TENT5D: variants seen among roughly 807,000 people sequenced by gnomAD.
TENT5D encodes terminal nucleotidyltransferase 5D.
For missense variants in TENT5D, 191 were observed against 287.0 expected (o/e 0.67, Z 2.42); for synonymous variants, 103 against 100.6 (o/e 1.02, Z -0.15).
At chrX:80,349,090 A>G (rs757000275) in intron 3 of TENT5D, among the ~76,000 whole-genome samples, 4 of 112,293 alleles carry the variant, frequency 3.6e-5, no homozygotes, top group African/African-American at 1.3e-4. Context: ...TTTCACATCT[A>G]TGTTCATCAA....
intron 3 of TENT5D, among the ~76,000 whole-genome samples, chrX:80,397,676 C>T (rs1159089834): frequency 6.2e-5 from 7 of 112,466 alleles, no homozygotes; most frequent in East Asian, 2.8e-4. Flanking sequence ...TCTGCAATCC[C>T]GGCACCTCGG....
chrX:80,419,708 C>CT (rs1202640065), upstream of TENT5D, among the ~76,000 whole-genome samples: 1 of 111,936 alleles, frequency 8.9e-6, no homozygotes, highest in African/African-American at 3.2e-5. Context: ...AACCATAATA[C>CT]TTTTTTAACT....
chrX:80,374,151 A>G (rs1200013846), intron 3 of TENT5D, among the ~76,000 whole-genome samples: 1 of 111,515 alleles, frequency 9.0e-6, no homozygotes, highest in Admixed American at 9.6e-5. Flanking sequence ...AATTCCAACC[A>G]TGTACCTGCA....
chrX:80,386,249 A>T (rs1931002053), intron 3 of TENT5D, among the ~76,000 whole-genome samples: 1 of 112,253 alleles, frequency 8.9e-6, no homozygotes, highest in African/African-American at 3.2e-5. Context: ...AGCCATAAAA[A>T]AGGATGAGTT....
intron 2 of TENT5D, among the ~76,000 whole-genome samples, chrX:80,340,192 C>T (rs1929932298): frequency 9.1e-6 from 1 of 110,412 alleles, no homozygotes; most frequent in Non-Finnish European, 1.9e-5. Flanking sequence ...TTTTCCTTAT[C>T]TCTATGATTT....
At chrX:80,342,371 T>C (rs898366287) in intron 2 of TENT5D, 1 of 111,714 alleles carries the variant, frequency 9.0e-6, no homozygotes, top group African/African-American at 3.2e-5. Flanking sequence ...AATAAAACAG[T>C]GAGAGTCTAT....
chrX:80,405,850 G>T (rs1300814272), intron 3 of TENT5D, among the ~76,000 whole-genome samples: 2 of 111,926 alleles, frequency 1.8e-5, no homozygotes, highest in Non-Finnish European at 3.8e-5. Flanking sequence ...AAATGTCCCT[G>T]TCTGACAGCT....
At chrX:80,434,207 T>TG in intron 1 of TENT5D, among the ~76,000 whole-genome samples, 1 of 85,045 alleles carries the variant, frequency 1.2e-5, no homozygotes, top group Admixed American at 1.3e-4. Context: ...GATCATAAAG[T>TG]AAAAAAAAAA....
chrX:80,432,864 G>A (rs1272269126), intron 1 of TENT5D, among the ~76,000 whole-genome samples: 2 of 111,018 alleles, frequency 1.8e-5, no homozygotes, highest in African/African-American at 6.6e-5. Flanking sequence ...ACTGGGAAGG[G>A]AAGGACTATG....
chrX:80,424,779 A>AGCCT (rs1352161615), intron 1 of TENT5D, among the ~76,000 whole-genome samples: 61 of 112,816 alleles, frequency 5.4e-4, no homozygotes, highest in Non-Finnish European at 9.9e-4. Flanking sequence ...AGCAAGAATA[A>AGCCT]TTACCTTTAC....
At chrX:80,339,396 T>C (rs182717787) in intron 2 of TENT5D, among the ~76,000 whole-genome samples, 44 of 111,618 alleles carry the variant, frequency 3.9e-4, no homozygotes, top group African/African-American at 1.2e-3. Context: ...CTACTTATAA[T>C]AGAAAAACTG....
intron 3 of TENT5D, among the ~76,000 whole-genome samples, chrX:80,394,674 G>A (rs1291605091): frequency 1.8e-5 from 2 of 110,749 alleles, no homozygotes; most frequent in African/African-American, 6.6e-5. Context: ...GATTACAGGC[G>A]TGAGCCACCA....
intron 2 of TENT5D, among the ~76,000 whole-genome samples, chrX:80,338,873 G>T (rs964784974): frequency 8.9e-6 from 1 of 111,977 alleles, no homozygotes; most frequent in Non-Finnish European, 1.9e-5. Context: ...CCAGGAATCT[G>T]TGTTTTGCTT....
chrX:80,387,297 T>C (rs1250137802), intron 3 of TENT5D, among the ~76,000 whole-genome samples: 1 of 111,945 alleles, frequency 8.9e-6, no homozygotes, highest in Non-Finnish European at 1.9e-5. Flanking sequence ...CTTGTAGATA[T>C]CCCCCAATTT....
chrX:80,338,239 T>C (rs1230324217), intron 2 of TENT5D, among the ~76,000 whole-genome samples: 6 of 111,832 alleles, frequency 5.4e-5, no homozygotes, highest in African/African-American at 1.6e-4. Flanking sequence ...AGGGCTACAA[T>C]AGTAGAGACA....
chrX:80,410,676 G>T (rs1931637747), intron 3 of TENT5D, among the ~76,000 whole-genome samples: 1 of 104,253 alleles, frequency 9.6e-6, no homozygotes, highest in South Asian at 4.7e-4. Context: ...CATTGTGGAA[G>T]TCAGTGTGGC....
chrX:80,340,263 C>T (rs1929933608), intron 2 of TENT5D, among the ~76,000 whole-genome samples: 3 of 110,722 alleles, frequency 2.7e-5, no homozygotes, highest in African/African-American at 9.8e-5. Flanking sequence ...AAAGAACAGA[C>T]TTATCAGAAG....
rs1930446425 is a variant in TENT5D at position 80,363,348 on chromosome X, T to C, written c.-142+20784T>C. Among the ~76,000 whole-genome samples, 4 of 111,834 alleles carry C rather than the reference T, an allele frequency of 3.6e-5. No homozygotes were observed. In the South Asian group the frequency reaches 1.5e-3, roughly 41 times the overall value. ...TTTCCTGTTAAATTAACTTACTTAATGCAAGATGTGGCATAGAAGTCATTT... is the reference window on the plus strand; with the variant it reads ...TTTCCTGTTAAATTAACTTACTTAACGCAAGATGTGGCATAGAAGTCATTT... On this transcript the variant is annotated intron_variant, in intron 3 of 4. Coordinates refer to the TENT5D transcript ENST00000538312.
chrX:80,443,923 C>G (rs1932338467), exon 3 of TENT5D: 1 of 342,537 alleles, frequency 2.9e-6, no homozygotes, highest in Non-Finnish European at 5.2e-6. Flanking sequence ...AAATGTTTTT[C>G]AAACGTTATT....
Sources: gnomAD v4.1 joint callset for allele counts (sites outside exome capture counted in the v4.1 genomes callset) on GRCh38, gnomAD v4.1.1 for gene constraint, MANE v1.5 for transcripts, NCBI Gene and HGNC (gene_info 2026-07-23, HGNC 2026-07-21) for gene names.